KCNU1: variants seen among roughly 807,000 people sequenced by gnomAD.
KCNU1 encodes potassium channel subfamily U member 1.
KCNU1 carries 93 observed loss-of-function variants against 126.8 expected under a neutral mutation model. That is an observed-to-expected ratio of 0.73 (90% confidence interval 0.62 to 0.87). The LOEUF is 0.87. Ranked by LOEUF, KCNU1 falls within the 40% of genes least tolerant of loss-of-function variation. The pLI is 0.00. For missense variants in KCNU1, 1,330 were observed against 1,367.1 expected (o/e 0.97, Z 0.43); for synonymous variants, 523 against 494.2 (o/e 1.06, Z -0.77).
At chr8:36,910,701 C>T (rs1807835846) in intron 21 of KCNU1, among the ~76,000 whole-genome samples, 2 of 152,272 alleles carry the variant, frequency 1.3e-5, no homozygotes, top group South Asian at 4.1e-4. Context: ...TCTGTCTCAT[C>T]CAAACTTGCT....
intron 23 of KCNU1, among the ~76,000 whole-genome samples, chr8:36,920,241 T>C (rs953574693): frequency 5.9e-5 from 9 of 152,142 alleles, no homozygotes; most frequent in Non-Finnish European, 8.8e-5. Context: ...AAATCCATGA[T>C]GCTCAAGTCC....
chr8:36,935,799 G>A lies in KCNU1; in HGVS notation c.3329G>A (p.Ser1110Asn). Residue 1110 changes from serine (S) to asparagine (N), a missense_variant, in exon 27 of 27, where the codon AGT becomes AAT. By Grantham distance (46) the Ser-to-Asn change is conservative. This residue lies in a region of KCNU1 where 1,054 missense variants were observed against 1,053.9 expected (regional missense o/e 1.00). Coordinates refer to ENST00000399881, the MANE Select transcript of KCNU1 (RefSeq NM_001031836.3). ...SFPKQIAWNQ[S>N]RTNSIISSQI... ...CCTAAGCAAATAGCATGGAATCAGA[G>A]TAGAACAAACAGTATTATATCATCT... is the stretch of plus-strand genomic sequence containing the variant. 1 of 1,613,362 alleles carries A rather than the reference G, an allele frequency of 6.2e-7. No homozygotes were observed.
intron 19 of KCNU1, among the ~76,000 whole-genome samples, chr8:36,882,912 A>T (rs532251539): frequency 6.6e-6 from 1 of 152,306 alleles, no homozygotes; most frequent in Admixed American, 6.5e-5. Context: ...TAAATATTGC[A>T]TCATTCTATA....
intron 9 of KCNU1, 41 bp downstream of exon 9, chr8:36,815,728 T>G: frequency 6.9e-6 from 8 of 1,165,034 alleles, no homozygotes; most frequent in Non-Finnish European, 1.0e-5. Flanking sequence ...GTTTAAGAAA[T>G]TCTATTAGCC....
chr8:36,898,287 CT>C (rs1413504087), intron 19 of KCNU1, among the ~76,000 whole-genome samples: 1 of 151,556 alleles, frequency 6.6e-6, no homozygotes, highest in African/African-American at 2.4e-5. Context: ...TACCTGCCCC[CT>C]GTATCCCTCT....
chr8:36,798,436 G>A (rs1485922720), intron 2 of KCNU1, among the ~76,000 whole-genome samples: 1 of 152,124 alleles, frequency 6.6e-6, no homozygotes, highest in African/African-American at 2.4e-5. Flanking sequence ...TGTCCTTTGT[G>A]GGGGAATATT....
chr8:36,879,209 GTGTA>G lies in KCNU1; in HGVS notation c.2009+14690_2009+14693del, dbSNP rs1194104022. On this transcript the variant is annotated intron_variant, in intron 19 of 26. Coordinates refer to ENST00000399881, the MANE Select transcript of KCNU1 (RefSeq NM_001031836.3). ...TATATGTATGTGTGTGTGTGTGTGT[GTGTA>G]TATATATATATATATATATATATAT... 1.6e-4 allele frequency among the ~76,000 whole-genome samples: 14 copies of G among 86,684 alleles called. No individual in the cohort carries two copies. In the East Asian group the frequency reaches 2.0e-3, roughly 12 times the overall value. 56.9% of individuals were successfully genotyped at this position (86,684 alleles called of 152,430 possible).
intron 21 of KCNU1, among the ~76,000 whole-genome samples, chr8:36,910,696 C>T (rs1404115628): frequency 6.6e-6 from 1 of 152,190 alleles, no homozygotes. Flanking sequence ...TCTCCTCTGT[C>T]TCATCCAAAC....
At chr8:36,868,489 GA>G in intron 19 of KCNU1, among the ~76,000 whole-genome samples, 1 of 152,126 alleles carries the variant, frequency 6.6e-6, no homozygotes, top group East Asian at 1.9e-4. Flanking sequence ...TAGTTTTGCT[GA>G]CAATGAACTT....
intron 10 of KCNU1, among the ~76,000 whole-genome samples, chr8:36,830,677 T>A (rs1804503770): frequency 6.6e-6 from 1 of 151,316 alleles, no homozygotes; most frequent in Admixed American, 6.6e-5. Context: ...ATTTGAGGGG[T>A]GTGTGTGTGT....
At position 36,918,835 on chromosome 8, in the gene KCNU1, G is replaced by T. The variant is rs1585564880; in HGVS notation, c.2534G>T (p.Gly845Val). The T allele has an allele frequency of 1.9e-6, 3 of 1,604,168 alleles. No individual in the cohort carries two copies. Among genetic ancestry groups the T allele is most frequent in the Non-Finnish European group, 2.6e-6 (3 of 1,171,142 alleles). The stretch of plus-strand genomic sequence containing the variant: ...TTCTTCTTTGCAGAGGAGACTCCAG[G>T]TTACACAAATGGACATAATGAGAAA... ...PSPSVSEETPGYTNGHNEKSN... is the reference protein window; with the variant it reads ...PSPSVSEETPVYTNGHNEKSN... Residue 845 changes from glycine to valine, a missense_variant, in exon 23 of 27, where the codon GGT (glycine) becomes GTT (valine). Transcript: ENST00000399881.
intron 24 of KCNU1, among the ~76,000 whole-genome samples, chr8:36,923,567 G>T (rs940540562): frequency 2.6e-5 from 4 of 152,134 alleles, no homozygotes; most frequent in African/African-American, 9.7e-5. Flanking sequence ...AGAAAAGTCA[G>T]CATGGAGACA....
intron 11 of KCNU1, among the ~76,000 whole-genome samples, chr8:36,834,177 G>A (rs552980686): frequency 6.6e-6 from 1 of 152,274 alleles, no homozygotes; most frequent in South Asian, 2.1e-4. Context: ...TAAGATCAAA[G>A]GCAGCTTCCT....
chr8:36,816,026 T>C (rs999285935), intron 9 of KCNU1, among the ~76,000 whole-genome samples: 2 of 152,242 alleles, frequency 1.3e-5, no homozygotes, highest in African/African-American at 4.8e-5. Context: ...ATTGTCTTAC[T>C]CATTTTCCTT....
At chr8:36,928,062 G>GA (rs1352168473) in intron 24 of KCNU1, among the ~76,000 whole-genome samples, 3 of 151,862 alleles carry the variant, frequency 2.0e-5, no homozygotes, top group Non-Finnish European at 4.4e-5. Context: ...AAGATAGAAA[G>GA]AAAGAGATAT....
At chr8:36,840,428 C>A in intron 14 of KCNU1, 35 bp from the exon 15 acceptor site, 2 of 972,276 alleles carry the variant, frequency 2.1e-6, no homozygotes, top group South Asian at 2.7e-5. Flanking sequence ...CATTCCTTGT[C>A]GTTTTGCTTC....
At position 36,784,421 on chromosome 8, in the gene KCNU1, C is replaced by A. The variant is rs1441914164; in HGVS notation, c.11C>A (p.Thr4Asn). 1 of 1,611,998 alleles carries A rather than the reference C, an allele frequency of 6.2e-7. No individual in the cohort carries two copies. The highest frequency in any genetic ancestry group is 1.1e-5 in the South Asian group (1 of 90,696). MFQ[T>N]KLRNETWEDL... ...ACTGATGTCTCGAACATGTTTCAGA[C>A]TAAGCTACGAAATGAAACTTGGGAA... is the stretch of plus-strand genomic sequence containing the variant. The change falls in exon 1 of 27, where the codon ACT becomes AAT. Residue 4 changes from threonine to asparagine, a missense_variant. Transcript: ENST00000399881.
chr8:36,853,672 A>G (rs1025676771), intron 18 of KCNU1, among the ~76,000 whole-genome samples: 1 of 152,176 alleles, frequency 6.6e-6, no homozygotes, highest in Non-Finnish European at 1.5e-5. Context: ...TGTCTAATAC[A>G]TGGTCTATCC....
At chr8:36,868,420 T>A (rs770279539) in intron 19 of KCNU1, among the ~76,000 whole-genome samples, 11 of 151,638 alleles carry the variant, frequency 7.3e-5, no homozygotes, top group Non-Finnish European at 1.5e-4. Flanking sequence ...TTGTGATCCA[T>A]TTTTTTTATG....
Sources: allele counts gnomAD v4.1 joint callset (sites outside exome capture counted in the v4.1 genomes callset), GRCh38; gene constraint gnomAD v4.1.1; regional missense constraint gnomAD v4.1.1; transcripts MANE v1.5; gene names NCBI Gene and HGNC (gene_info 2026-07-23, HGNC 2026-07-21).